The following MUC5B variants were observed in gnomAD, a reference collection of about 807,000 sequenced individuals.
MUC5B encodes mucin 5B, oligomeric mucus/gel-forming.
In MUC5B, 116 loss-of-function variants were observed where a neutral mutation model predicts 376.9. The ratio of observed to expected loss-of-function variants is 0.31; its 90% CI spans 0.26 to 0.36. The LOEUF (loss-of-function observed/expected upper bound fraction) is 0.36, where lower values mean the gene tolerates loss of function less well. MUC5B is among the 10% of genes least tolerant of loss of function. The pLI is 1.00. For missense variants in MUC5B, 7,165 were observed against 7,769.9 expected, an observed-to-expected ratio of 0.92 and a Z score of 2.93; for synonymous variants, 3,517 against 3,390.9, an observed-to-expected ratio of 1.04 and a Z score of -1.29.
At chr11:1,227,625 G>T (rs755260740) in intron 6 of MUC5B, 50 bp from the exon 7 acceptor site, 2 of 704,470 alleles carry the variant, frequency 2.8e-6, no homozygotes, top group Non-Finnish European at 5.3e-6. Context: ...CCCATATCTT[G>T]TCCCCAGGAG....
chr11:1,251,494 G>C lies in MUC5B; in HGVS notation c.14614G>C (p.Gly4872Arg), dbSNP rs370443886. 725 of 1,613,246 alleles carry C rather than the reference G, an allele frequency of 4.5e-4. No homozygotes were observed. Among genetic ancestry groups the C allele is most frequent in the Non-Finnish European group, 6.0e-4 (710 of 1,179,816 alleles). Residue 4872 changes from glycine (G) to arginine (R), a missense_variant, in exon 31 of 49, where the codon GGA becomes CGA. By Grantham distance (125) the Gly-to-Arg change is moderately radical (BLOSUM62 -2). This residue lies in a region of MUC5B where 730 missense variants were observed against 592.7 expected (regional missense o/e 1.23). Transcript: ENST00000529681. ...GSTATASSTL[G>R]TAHTPKVVTT... ...CACGGCCACCGCCTCCTCCACTCTG[G>C]GAACAGCTCACACCCCCAAAGTGGT...
Position 1,229,094 on chromosome 11 carries a change from T to C in MUC5B, c.977-76T>C, listed in dbSNP as rs576163238. 4.5e-5 allele frequency: 65 copies of C among 1,432,906 alleles called. No homozygotes were observed. The African/African-American group carries it at 8.8e-4, about 19-fold the overall frequency. 88.8% of individuals were successfully genotyped at this position (1,432,906 alleles called of 1,614,324 possible). A position where few individuals can be genotyped will look rare whatever the true frequency, so the allele number is the denominator to read the frequency against. On this transcript the variant is annotated intron_variant, in intron 8 of 48. Transcript: ENST00000529681. ...GGACTTGATGGCATGTGGAAGGCCG[T>C]GGAAGGCGGCTGGGGCTGACCACAC...
At position 1,233,352 on chromosome 11, in the gene MUC5B, C is replaced by G. The variant is rs548850620; in HGVS notation, c.2321+84C>G. On this transcript the variant is annotated intron_variant, in intron 18 of 48. Transcript: ENST00000529681. ...TCCCCGAAGGCTTCTGTGCCTCCCC[C>G]CGAGGGTTCTGAGACATGAGGGGCC... The G allele has an allele frequency of 7.8e-6, 11 of 1,406,610 alleles. No homozygotes were observed. The Admixed American group carries it at 8.1e-5, about 10-fold the overall frequency. The allele number at this position is 1,406,610 out of a possible 1,614,324, so 87.1% of individuals were successfully genotyped here. A position where few individuals can be genotyped will look rare whatever the true frequency, so the allele number is the denominator to read the frequency against.
Position 1,230,805 on chromosome 11 carries a change from C to T in MUC5B, c.1471-131C>T, listed in dbSNP as rs555701527. The T allele has an allele frequency of 2.5e-5, 29 of 1,145,642 alleles. 1 individual carries two copies. The highest frequency in any genetic ancestry group is 2.2e-4 in the African/African-American group (14 of 64,896). The allele number at this position is 1,145,642 out of a possible 1,614,324, so 71.0% of individuals were successfully genotyped here. A position where few individuals can be genotyped will look rare whatever the true frequency, so the allele number is the denominator to read the frequency against. ...CCGGGGGGGCAATTGCAGAGCCCAC[C>T]GCAGGTCCAGGTCTGAGCTTCTCTG... is the stretch of plus-strand genomic sequence containing the variant. On this transcript the variant is annotated intron_variant, in intron 12 of 48. Transcript: ENST00000529681.
chr11:1,250,944 G>T lies in MUC5B; in HGVS notation c.14064G>T (p.Thr4688=), dbSNP rs757982288. 21 of 1,607,256 alleles carry T rather than the reference G, an allele frequency of 1.3e-5. No individual in the cohort carries two copies. The highest frequency in any genetic ancestry group is 1.8e-5 in the Non-Finnish European group (21 of 1,176,624). The change falls in exon 31 of 49, where the codon ACG becomes ACT. Residue 4688 remains threonine, a synonymous_variant. Transcript: ENST00000529681. ...TGACCACCACGGCCACTACGATCAC[G>T]GCCACCGGCTCCACCACCAACCCCT... ...PSLTTTATTI[T]ATGSTTNPSS...
Position 1,231,926 on chromosome 11 carries a change from G to C in MUC5B, c.1679-70G>C. The stretch of plus-strand genomic sequence containing the variant: ...CGTTCCACCCTGTGTGGTGCCTGGA[G>C]GGATGGCAGGGGCCAGGAGCCAGGT... On this transcript the variant is annotated intron_variant, in intron 14 of 48. Coordinates refer to ENST00000529681, the MANE Select transcript of MUC5B (RefSeq NM_002458.3). The C allele has an allele frequency of 1.9e-6, 3 of 1,595,430 alleles. No individual in the cohort carries two copies. The South Asian group carries it at 3.3e-5, about 18-fold the overall frequency.
Position 1,240,161 on chromosome 11 carries a change from G to C in MUC5B, c.3773-17G>C. 5 of 1,585,044 alleles carry C rather than the reference G, an allele frequency of 3.2e-6. No homozygotes were observed. Among genetic ancestry groups the C allele is most frequent in the Non-Finnish European group, 4.3e-6 (5 of 1,161,174 alleles). ...GGGCTCGGAGGCCCTGGGTGACTCT[G>C]CCGGCTCCATCCCCAGCCTGCACCT... On this transcript the variant is annotated splice_polypyrimidine_tract_variant and intron_variant, in intron 29 of 48. Coordinates refer to ENST00000529681, the MANE Select transcript of MUC5B (RefSeq NM_002458.3).
In MUC5B at chr11:1,243,002, C is replaced by T. The variant is rs770814014; in HGVS notation, c.6122C>T (p.Ser2041Phe). 1.2e-6 allele frequency: 2 copies of T among 1,613,146 alleles called. No individual in the cohort carries two copies. Among genetic ancestry groups the T allele is most frequent in the African/African-American group, 1.3e-5 (1 of 74,770 alleles). ...GATGSVATPS[S>F]TPGTAHTTKV... is the part of the protein sequence containing the mutation. ...ACCGGCTCTGTGGCCACCCCCTCCT[C>T]CACCCCAGGAACAGCTCACACTACC... The change falls in exon 31 of 49, where the codon TCC becomes TTC. Residue 2041 changes from serine (S) to phenylalanine (F), a missense_variant. Physicochemically the swap from Ser to Phe is radical, Grantham distance 155. This residue lies in a region of MUC5B where 897 missense variants were observed against 779.6 expected (regional missense o/e 1.15). Coordinates refer to ENST00000529681, the MANE Select transcript of MUC5B (RefSeq NM_002458.3).
chr11:1,251,848 T>C (rs1862709450), intron 31 of MUC5B, 105 bp downstream of exon 31: 1 of 848,018 alleles, frequency 1.2e-6, no homozygotes, highest in East Asian at 2.6e-5. Context: ...TGGTCATGTT[T>C]GTTCCCCACT....
At position 1,248,432 on chromosome 11, in the gene MUC5B, C is replaced by G. The variant is rs762764655; in HGVS notation, c.11552C>G (p.Ala3851Gly). 1 of 1,601,414 alleles carries G rather than the reference C, an allele frequency of 6.2e-7. No homozygotes were observed. The highest frequency in any genetic ancestry group is 8.5e-7 in the Non-Finnish European group (1 of 1,170,710). The change falls in exon 31 of 49, where the codon GCC (alanine) becomes GGC (glycine). Residue 3851 changes from alanine to glycine, a missense_variant. Coordinates refer to ENST00000529681, the MANE Select transcript of MUC5B (RefSeq NM_002458.3). ...ACAACCAGGGCCACCGGCTCTGTGG[C>G]CACCCCCTCTTCCACCCCAGGAACA... Reference protein sequence around the residue: ...ATTTRATGSVATPSSTPGTAH... With the variant: ...ATTTRATGSVGTPSSTPGTAH...
Position 1,250,859 on chromosome 11 carries a change from C to T in MUC5B, c.13979C>T (p.Ala4660Val). 1.2e-6 allele frequency: 2 copies of T among 1,605,892 alleles called. No homozygotes were observed. Among genetic ancestry groups the T allele is most frequent in the Non-Finnish European group, 1.7e-6 (2 of 1,176,178 alleles). The change falls in exon 31 of 49, where the codon GCC becomes GTC. Residue 4660 changes from alanine to valine, a missense_variant. This residue lies in a region of MUC5B where 730 missense variants were observed against 592.7 expected (regional missense o/e 1.23). Transcript: ENST00000529681. Reference sequence around the variant, plus strand: ...CTGACCACCACCACCACAACTGTGGCCACTGGTTCTATGGCAACACCCTCC... The same window carrying T: ...CTGACCACCACCACCACAACTGTGGTCACTGGTTCTATGGCAACACCCTCC... ...RVLTTTTTTV[A>V]TGSMATPSSS...
rs1272344457 is a variant in MUC5B at position 1,248,525 on chromosome 11, G to A, written c.11645G>A (p.Gly3882Glu). 6.2e-7 allele frequency: 1 copy of A among 1,612,884 alleles called. No individual in the cohort carries two copies. Among genetic ancestry groups the A allele is most frequent in the Admixed American group, 1.7e-5 (1 of 59,934 alleles). ...GFTVTPSSSP[G>E]TARTPPVWIS... ...ACAGTCACCCCCTCCTCCAGCCCAG[G>A]GACGGCACGCACGCCTCCAGTGTGG... The change falls in exon 31 of 49, where the codon GGG (glycine) becomes GAG (glutamate). Residue 3882 changes from glycine (G) to glutamate (E), a missense_variant. By Grantham distance (98) the Gly-to-Glu change is moderately conservative (BLOSUM62 -2). Transcript: ENST00000529681.
intron 8 of MUC5B, 120 bp downstream of exon 8, chr11:1,228,885 C>T: frequency 1.9e-6 from 2 of 1,055,528 alleles, no homozygotes; most frequent in South Asian, 3.4e-5. Flanking sequence ...AGAGGACCCA[C>T]CCCAGGCATA....
chr11:1,260,540 G>C, intron 47 of MUC5B, 86 bp from the exon 48 acceptor site: 1 of 1,447,120 alleles, frequency 6.9e-7, no homozygotes, highest in Non-Finnish European at 9.6e-7. Context: ...GGGAGGGGTG[G>C]TCCCATGGGG....
Position 1,248,537 on chromosome 11 carries a change from C to T in MUC5B, c.11657C>T (p.Thr3886Met), listed in dbSNP as rs375178891. 9.5e-5 allele frequency: 153 copies of T among 1,613,108 alleles called. 1 individual carries two copies. The highest frequency in any genetic ancestry group is 1.1e-4 in the Non-Finnish European group (132 of 1,179,670). Reference protein sequence around the residue: ...TPSSSPGTARTPPVWISTTTT... With the variant: ...TPSSSPGTARMPPVWISTTTT... The stretch of plus-strand genomic sequence containing the variant: ...TCCTCCAGCCCAGGGACGGCACGCA[C>T]GCCTCCAGTGTGGATCAGCACAACC... The change falls in exon 31 of 49, where the codon ACG (threonine) becomes ATG (methionine). Residue 3886 changes from threonine to methionine, a missense_variant. Physicochemically the swap from Thr to Met is moderately conservative, Grantham distance 81. Coordinates refer to ENST00000529681, the MANE Select transcript of MUC5B (RefSeq NM_002458.3).
rs779401596 is a variant in MUC5B, at chr11:1,235,212, A to C, written c.2758A>C (p.Ile920Leu). Residue 920 changes from isoleucine to leucine, a missense_variant, in exon 22 of 49, where the codon ATC becomes CTC. By Grantham distance (5) the Ile-to-Leu change is conservative. Coordinates refer to ENST00000529681, the MANE Select transcript of MUC5B (RefSeq NM_002458.3). Reference protein sequence around the residue: ...RYSFEGSCEYILAQDYCGDNT... With the variant: ...RYSFEGSCEYLLAQDYCGDNT... ...CAGCTTTGAAGGCAGCTGCGAGTAC[A>C]TCTTGGCCCAGGTACGCCGCCCCCT... 18 of 1,612,582 alleles carry C rather than the reference A, an allele frequency of 1.1e-5. No individual in the cohort carries two copies. In the Admixed American group the frequency reaches 2.0e-4, roughly 18 times the overall value.
rs1248558914 is a variant in MUC5B, at chr11:1,251,682, C to T, written c.14802C>T (p.Phe4934=). ...SVLTTLRPTG[F]PSSHFSTPCF... is the part of the protein sequence containing the mutation. ...TCACCACCCTGAGACCCACTGGCTT[C>T]CCCAGCTCCCACTTCTCTACTCCCT... Residue 4934 remains phenylalanine (F), a synonymous_variant, in exon 31 of 49, where the codon TTC becomes TTT. Coordinates refer to ENST00000529681, the MANE Select transcript of MUC5B (RefSeq NM_002458.3). The T allele has an allele frequency of 6.2e-7, 1 of 1,612,726 alleles. No individual in the cohort carries two copies. Among genetic ancestry groups the T allele is most frequent in the Non-Finnish European group, 8.5e-7 (1 of 1,179,628 alleles).
rs369818432 is a variant in MUC5B, at chr11:1,226,686, G to A, written c.271G>A (p.Asp91Asn). 33 of 1,612,586 alleles carry A rather than the reference G, an allele frequency of 2.0e-5. 1 individual carries two copies. The South Asian group carries it at 2.1e-4, about 10-fold the overall frequency. Residue 91 changes from aspartate (D) to asparagine (N), a missense_variant, in exon 4 of 49, where the codon GAC becomes AAC. This residue lies in a region of MUC5B where 640 missense variants were observed against 733.0 expected (regional missense o/e 0.87). Coordinates refer to ENST00000529681, the MANE Select transcript of MUC5B (RefSeq NM_002458.3). ...CTTCCACTACAAGACCTTCGACGGC[G>A]ACGTCTTCCGCTTCCCTGGCCTTTG... Reference protein sequence around the residue: ...GDFHYKTFDGDVFRFPGLCNY... With the variant: ...GDFHYKTFDGNVFRFPGLCNY...
At position 1,239,905 on chromosome 11, in the gene MUC5B, C is replaced by T. The variant is rs375514770; in HGVS notation, c.3690C>T (p.Val1230=). 1.3e-5 allele frequency: 21 copies of T among 1,613,206 alleles called. No individual in the cohort carries two copies. Among genetic ancestry groups the T allele is most frequent in the Middle Eastern group, 1.6e-4 (1 of 6,078 alleles). ...CYDKDGNYYD[V]GARVPTAENC... ...ACAAGGACGGAAACTACTATGACGT[C>T]GGTGCAAGGGTCCCCACAGCGGAGA... Residue 1230 remains valine (V), a synonymous_variant, in exon 28 of 49, where the codon GTC becomes GTT. Transcript: ENST00000529681.
Sources: gnomAD v4.1 joint callset for allele counts on GRCh38, gnomAD v4.1.1 for gene constraint, gnomAD v4.1.1 regional missense constraint, MANE v1.5 for transcripts, NCBI Gene and HGNC (gene_info 2026-07-23, HGNC 2026-07-21) for gene names.